The following TGS1 variants were observed in gnomAD, a reference collection of about 807,000 sequenced individuals.
TGS1 encodes trimethylguanosine synthase 1, also known as trimethylguanosine synthase.
Under a neutral mutation model 92.2 loss-of-function variants are expected in TGS1, and 69 were observed. That is an observed-to-expected ratio of 0.75 (90% CI 0.62 to 0.91). The LOEUF is 0.91. Among genes scored for constraint, TGS1 ranks in the 40% least tolerant of loss-of-function variants. The pLI is 0.00. For missense variants in TGS1, 1,062 were observed against 1,001.2 expected (o/e 1.06, Z -0.82); for synonymous variants, 345 against 338.1 (o/e 1.02, Z -0.22).
Position 55,826,236 on chromosome 8 carries a change from T to G in TGS1, c.*1533T>G, listed in dbSNP as rs1803789675. Among the ~76,000 whole-genome samples the G allele has an allele frequency of 6.6e-6, 1 of 152,174 alleles. No individual in the cohort carries two copies. Among genetic ancestry groups the G allele is most frequent in the African/African-American group, 2.4e-5 (1 of 41,422 alleles). ...ATCACTAATTTTTTTTAGTTTTTTGTCACTTAACCTTTCTTGCATATACTT... is the reference window on the plus strand; with the variant it reads ...ATCACTAATTTTTTTTAGTTTTTTGGCACTTAACCTTTCTTGCATATACTT... On this transcript the variant is annotated 3_prime_UTR_variant, in exon 13 of 13. Coordinates refer to ENST00000260129, the MANE Select transcript of TGS1 (RefSeq NM_024831.8).
Position 55,824,904 on chromosome 8 carries a change from A to C in TGS1, c.*201A>C, listed in dbSNP as rs899336482. The C allele has an allele frequency of 3.7e-5, 21 of 572,418 alleles. No individual in the cohort carries two copies. The highest frequency in any genetic ancestry group is 4.9e-4 in the Middle Eastern group (1 of 2,060). The allele number at this position is 572,418 out of a possible 1,614,324, so 35.5% of individuals were successfully genotyped here. On this transcript the variant is annotated 3_prime_UTR_variant, in exon 13 of 13. Coordinates refer to ENST00000260129, the MANE Select transcript of TGS1 (RefSeq NM_024831.8). ...TCCTTTAGAGGAATTATACAAAATTAATATATATGAGTCCTTTGTAATTTA... is the reference window on the plus strand; with the variant it reads ...TCCTTTAGAGGAATTATACAAAATTCATATATATGAGTCCTTTGTAATTTA...
At chr8:55,790,851 T>C (rs1811861367) in intron 5 of TGS1, among the ~76,000 whole-genome samples, 1 of 152,190 alleles carries the variant, frequency 6.6e-6, no homozygotes, top group Admixed American at 6.5e-5. Context: ...ATCTATAAGA[T>C]TGGACTGATG....
intron 12 of TGS1, among the ~76,000 whole-genome samples, chr8:55,821,729 C>T (rs533230517): frequency 3.3e-5 from 5 of 151,716 alleles, no homozygotes; most frequent in East Asian, 2.0e-4. Context: ...AAAAATTAGC[C>T]GGGTGTGGTG....
intron 1 of TGS1, among the ~76,000 whole-genome samples, chr8:55,778,492 T>A (rs753744925): frequency 6.6e-6 from 1 of 152,180 alleles, no homozygotes; most frequent in East Asian, 1.9e-4. Flanking sequence ...AGGACTATTC[T>A]GGAAACTGAA....
intron 1 of TGS1, among the ~76,000 whole-genome samples, chr8:55,778,456 A>C: frequency 6.6e-6 from 1 of 152,334 alleles, no homozygotes; most frequent in South Asian, 2.1e-4. Context: ...AGACACTTTA[A>C]CATTAATATA....
chr8:55,775,753 A>C (rs2130090697), intron 1 of TGS1, among the ~76,000 whole-genome samples: 1 of 152,076 alleles, frequency 6.6e-6, no homozygotes, highest in East Asian at 1.9e-4. Flanking sequence ...TAGTTTTAAA[A>C]ACTTGAGCCA....
intron 4 of TGS1, among the ~76,000 whole-genome samples, chr8:55,789,347 TTAA>T (rs2042926460): frequency 6.6e-6 from 1 of 152,224 alleles, no homozygotes; most frequent in African/African-American, 2.4e-5. Flanking sequence ...ACTCTCATTA[TTAA>T]TGTTACTTTC....
chr8:55,789,350 A>G (rs1811809876), intron 4 of TGS1, among the ~76,000 whole-genome samples: 2 of 152,162 alleles, frequency 1.3e-5, no homozygotes, highest in Admixed American at 1.3e-4. Context: ...CTCATTATTA[A>G]TGTTACTTTC....
intron 1 of TGS1, among the ~76,000 whole-genome samples, chr8:55,780,168 T>C (rs1811523217): frequency 6.8e-6 from 1 of 146,506 alleles, no homozygotes; most frequent in African/African-American, 2.6e-5. Flanking sequence ...GGCTTTTTTT[T>C]TTTTTTTCTT....
chr8:55,820,833 G>A (rs998578315), intron 12 of TGS1, among the ~76,000 whole-genome samples: 1 of 152,094 alleles, frequency 6.6e-6, no homozygotes, highest in Non-Finnish European at 1.5e-5. Context: ...TGTACCTGCC[G>A]TTCTCCCTCT....
intron 12 of TGS1, among the ~76,000 whole-genome samples, chr8:55,820,953 G>A (rs915491613): frequency 5.9e-5 from 9 of 152,166 alleles, no homozygotes; most frequent in African/African-American, 1.9e-4. Context: ...AATAAGGACA[G>A]CTAGAAATTA....
At chr8:55,779,526 C>A (rs1408856196) in intron 1 of TGS1, among the ~76,000 whole-genome samples, 3 of 152,166 alleles carry the variant, frequency 2.0e-5, no homozygotes, top group Non-Finnish European at 4.4e-5. Context: ...AAAAAAATAC[C>A]TGGCTCTTTG....
At chr8:55,787,787 A>G (rs1811760207) in intron 4 of TGS1, among the ~76,000 whole-genome samples, 1 of 152,244 alleles carries the variant, frequency 6.6e-6, no homozygotes, top group South Asian at 2.1e-4. Context: ...TGCAGGCTGT[A>G]CAGGAAGCAT....
intron 1 of TGS1, among the ~76,000 whole-genome samples, chr8:55,781,239 A>G (rs1418729336): frequency 2.0e-5 from 3 of 152,174 alleles, no homozygotes; most frequent in East Asian, 3.8e-4. Context: ...CTTAAATGCC[A>G]TGAGTTTATA....
At position 55,786,745 on chromosome 8, in the gene TGS1, A is replaced by G. The variant is rs1446349119; in HGVS notation, c.847A>G (p.Asn283Asp). 6.2e-6 allele frequency: 10 copies of G among 1,614,176 alleles called. No homozygotes were observed. Among genetic ancestry groups the G allele is most frequent in the Non-Finnish European group, 8.5e-6 (10 of 1,180,042 alleles). ...YTSKTEADDK[N>D]DEKCMKVDLV... ...ATCTAAAACAGAAGCTGATGACAAG[A>G]ACGATGAAAAATGCATGAAAGTTGA... The change falls in exon 4 of 13, where the codon AAC becomes GAC. Residue 283 changes from asparagine (N) to aspartate (D), a missense_variant. Coordinates refer to ENST00000260129, the MANE Select transcript of TGS1 (RefSeq NM_024831.8).
At chr8:55,777,270 A>G (rs1400138623) in intron 1 of TGS1, among the ~76,000 whole-genome samples, 1 of 144,026 alleles carries the variant, frequency 6.9e-6, no homozygotes, top group South Asian at 2.2e-4. Context: ...CAGCCTCCCA[A>G]AGTGCTGGGA....
At chr8:55,792,268 T>C (rs1811906651) in intron 5 of TGS1, among the ~76,000 whole-genome samples, 1 of 152,242 alleles carries the variant, frequency 6.6e-6, no homozygotes, top group African/African-American at 2.4e-5. Flanking sequence ...TTCTTTTTAG[T>C]AATTTTTTTC....
At position 55,799,969 on chromosome 8, in the gene TGS1, G is replaced by A. The variant is rs1812177678; in HGVS notation, c.1849+749G>A. Among the ~76,000 whole-genome samples the A allele has an allele frequency of 2.0e-5, 3 of 152,100 alleles. No homozygotes were observed. The South Asian group carries it at 6.2e-4, about 32-fold the overall frequency. Reference sequence around the variant, plus strand: ...CACGTTAATATAAAAAGTATTCAGAGCAGTTGGCTCTAATGAATAAACTGA... The same window carrying A: ...CACGTTAATATAAAAAGTATTCAGAACAGTTGGCTCTAATGAATAAACTGA... On this transcript the variant is annotated intron_variant, in intron 8 of 12. Transcript: ENST00000260129.
At chr8:55,803,928 C>T (rs1812291121) in intron 9 of TGS1, among the ~76,000 whole-genome samples, 1 of 152,084 alleles carries the variant, frequency 6.6e-6, no homozygotes, top group Admixed American at 6.5e-5. Flanking sequence ...AAGTGATCCA[C>T]CACGCCCAGC....
Sources: allele counts gnomAD v4.1 joint callset (sites outside exome capture counted in the v4.1 genomes callset), GRCh38; gene constraint gnomAD v4.1.1; transcripts MANE v1.5; gene names NCBI Gene and HGNC (gene_info 2026-07-23, HGNC 2026-07-21).